Variants in IL1RAPL1 observed in about 807,000 individuals in gnomAD.
IL1RAPL1 encodes the protein interleukin-1 receptor accessory protein-like 1.
Under a neutral mutation model 48.4 loss-of-function variants are expected in IL1RAPL1, and 3 were observed. That is an observed-to-expected ratio of 0.06 (90% CI 0.03 to 0.16). The LOEUF (loss-of-function observed/expected upper bound fraction) is 0.16, where lower values mean the gene tolerates loss of function less well. IL1RAPL1 is among the 10% of genes least tolerant of loss of function. The probability of loss-of-function intolerance (pLI) is 1.00; values close to 1 mark genes in which losing one functional copy is unlikely to be tolerated. For missense variants in IL1RAPL1, 349 were observed against 530.6 expected, an observed-to-expected ratio of 0.66 and a Z score of 3.36; for synonymous variants, 185 against 187.7, an observed-to-expected ratio of 0.99 and a Z score of 0.12.
At chrX:28,601,754 G>C (rs1216428584) in intron 1 of IL1RAPL1, among the ~76,000 whole-genome samples, 1 of 110,679 alleles carries the variant, frequency 9.0e-6, no homozygotes, top group Non-Finnish European at 1.9e-5. Flanking sequence ...TGCTTTAAAA[G>C]CATTTGTTAG....
chrX:28,890,195 C>A (rs1231089445), intron 2 of IL1RAPL1, among the ~76,000 whole-genome samples: 1 of 111,648 alleles, frequency 9.0e-6, no homozygotes, highest in African/African-American at 3.2e-5. Flanking sequence ...CTTTGGACAA[C>A]ATTGTCCACA....
chrX:29,446,683 A>G (rs1424858651), intron 5 of IL1RAPL1, among the ~76,000 whole-genome samples: 1 of 111,869 alleles, frequency 8.9e-6, no homozygotes, highest in Non-Finnish European at 1.9e-5. Context: ...ATTTATTGCA[A>G]TGAACATATT....
At chrX:29,723,611 AAAATT>A (rs1346859456) in intron 6 of IL1RAPL1, among the ~76,000 whole-genome samples, 1 of 111,725 alleles carries the variant, frequency 9.0e-6, no homozygotes, top group African/African-American at 3.3e-5. Flanking sequence ...GGACAAAAGA[AAAATT>A]AAGAGCAATG....
chrX:29,532,762 G>A (rs773031938), intron 5 of IL1RAPL1, among the ~76,000 whole-genome samples: 1 of 112,090 alleles, frequency 8.9e-6, no homozygotes, highest in African/African-American at 3.2e-5. Flanking sequence ...CAGTGCCCAT[G>A]ATGGCCTTTC....
At chrX:29,498,772 G>A (rs1569324574) in intron 5 of IL1RAPL1, among the ~76,000 whole-genome samples, 1 of 111,236 alleles carries the variant, frequency 9.0e-6, no homozygotes, top group Non-Finnish European at 1.9e-5. Flanking sequence ...TTTTTTGTAT[G>A]TTGTATGTCG....
intron 6 of IL1RAPL1, among the ~76,000 whole-genome samples, chrX:29,722,838 A>C (rs964812265): frequency 1.2e-4 from 13 of 112,263 alleles, no homozygotes; most frequent in African/African-American, 4.2e-4. Flanking sequence ...AACAGCTGGC[A>C]GTTTTACAAT....
intron 1 of IL1RAPL1, among the ~76,000 whole-genome samples, chrX:28,771,400 G>A (rs1470902119): frequency 8.9e-6 from 1 of 112,417 alleles, no homozygotes; most frequent in Admixed American, 9.5e-5. Context: ...GAATGAATGC[G>A]TGATAGTAGC....
chrX:29,881,089 T>C (rs1932019866), intron 6 of IL1RAPL1, among the ~76,000 whole-genome samples: 1 of 111,408 alleles, frequency 9.0e-6, no homozygotes, highest in Non-Finnish European at 1.9e-5. Flanking sequence ...GAGCTCCTTT[T>C]CTTTTCACAG....
intron 2 of IL1RAPL1, among the ~76,000 whole-genome samples, chrX:29,018,575 C>T (rs1463807711): frequency 8.9e-6 from 1 of 111,740 alleles, no homozygotes; most frequent in Non-Finnish European, 1.9e-5. Flanking sequence ...AAAAGCAAAG[C>T]CATGTTAAAC....
intron 2 of IL1RAPL1, among the ~76,000 whole-genome samples, chrX:29,064,988 A>G (rs1033522249): frequency 8.9e-6 from 1 of 111,951 alleles, no homozygotes; most frequent in South Asian, 3.7e-4. Context: ...TCTAACTAGC[A>G]TCATTTCCTT....
chrX:29,093,191 T>C (rs936657298), intron 2 of IL1RAPL1, among the ~76,000 whole-genome samples: 3 of 111,227 alleles, frequency 2.7e-5, no homozygotes, highest in African/African-American at 9.8e-5. Flanking sequence ...TAAAGAAAAA[T>C]GGTTCAATTG....
chrX:29,683,798 T>C (rs1329907819), intron 6 of IL1RAPL1, among the ~76,000 whole-genome samples: 1 of 112,322 alleles, frequency 8.9e-6, no homozygotes, highest in Non-Finnish European at 1.9e-5. Flanking sequence ...CATCTAGTAA[T>C]AATTCCATTG....
chrX:29,231,613 T>C (rs925864677), intron 2 of IL1RAPL1, among the ~76,000 whole-genome samples: 2 of 111,542 alleles, frequency 1.8e-5, no homozygotes, highest in Admixed American at 9.6e-5. Context: ...ACATTGGACA[T>C]GGTCTGCATT....
intron 5 of IL1RAPL1, among the ~76,000 whole-genome samples, chrX:29,586,145 C>T (rs1177433244): frequency 9.0e-6 from 1 of 111,295 alleles, no homozygotes; most frequent in Non-Finnish European, 1.9e-5. Context: ...AAACTTTTCC[C>T]CTGTGTGTTT....
chrX:29,590,431 C>T (rs182473950), intron 5 of IL1RAPL1, among the ~76,000 whole-genome samples: 1 of 111,681 alleles, frequency 9.0e-6, no homozygotes, highest in Admixed American at 9.4e-5. Context: ...CATGCCTTCC[C>T]AAGGGCAGGT....
At chrX:28,823,142 C>T (rs990439700) in intron 2 of IL1RAPL1, among the ~76,000 whole-genome samples, 1 of 111,335 alleles carries the variant, frequency 9.0e-6, no homozygotes, top group Admixed American at 9.6e-5. Flanking sequence ...CTTGTTCCTT[C>T]CCGGTAGTTA....
chrX:29,732,301 G>A (rs1240185800), intron 6 of IL1RAPL1, among the ~76,000 whole-genome samples: 2 of 111,369 alleles, frequency 1.8e-5, no homozygotes, highest in African/African-American at 3.3e-5. Context: ...CCCCACCCCC[G>A]CACTTCTAAC....
chrX:28,999,407 C>T (rs990209799), intron 2 of IL1RAPL1, among the ~76,000 whole-genome samples: 2 of 111,526 alleles, frequency 1.8e-5, no homozygotes, highest in African/African-American at 3.3e-5. Flanking sequence ...TTCACCCTGT[C>T]GTCTTGTGTT....
chrX:29,329,991 T>C (rs1277002877), intron 3 of IL1RAPL1, among the ~76,000 whole-genome samples: 2 of 110,782 alleles, frequency 1.8e-5, no homozygotes, highest in African/African-American at 6.6e-5. Flanking sequence ...GGGCTGCTGC[T>C]GGTGGTGGTG....
Sources: allele counts gnomAD v4.1 joint callset (sites outside exome capture counted in the v4.1 genomes callset), GRCh38; gene constraint gnomAD v4.1.1; transcripts MANE v1.5; gene names NCBI Gene and HGNC (gene_info 2026-07-23, HGNC 2026-07-21).